ANK3: variants seen among roughly 807,000 people sequenced by gnomAD.
The protein encoded by ANK3 is ankyrin-3.
In ANK3, 57 loss-of-function variants were observed where a neutral mutation model predicts 370.9. The observed-to-expected ratio is 0.15, with a 90% CI of 0.12 to 0.19. The LOEUF (loss-of-function observed/expected upper bound fraction) is 0.19. Among genes scored for constraint, ANK3 ranks in the 10% least tolerant of loss-of-function variants. ANK3 has a pLI of 1.00. For missense variants in ANK3, 4,439 were observed against 5,302.1 expected, an observed-to-expected ratio of 0.84 and a Z score of 5.06; for synonymous variants, 1,929 against 1,946.3, an observed-to-expected ratio of 0.99 and a Z score of 0.23.
chr10:60,068,948 G>C lies in ANK3; in HGVS notation c.11933C>G (p.Thr3978Ser). ...TTTCCTAACTTTAACTGTGCAGCTG[G>C]TGGTGGTGGTAGTGGTGGTAGTGGT... ...TTTTTTTTTT[T>S]SCTVKVRKSQ... The change falls in exon 37 of 44, where the codon ACC (threonine) becomes AGC (serine). Residue 3978 changes from threonine to serine, a missense_variant. Around this residue, in one of 13 missense-constraint regions of ANK3, gnomAD observed 496 missense variants for 529.3 expected, o/e 0.94. Transcript: ENST00000280772. 1.2e-6 allele frequency: 2 copies of C among 1,613,980 alleles called. No homozygotes were observed. The highest frequency in any genetic ancestry group is 4.5e-5 in the East Asian group (2 of 44,872).
chr10:60,230,812 C>T (rs1176606025), intron 8 of ANK3, among the ~76,000 whole-genome samples: 5 of 151,762 alleles, frequency 3.3e-5, no homozygotes, highest in African/African-American at 1.2e-4. Flanking sequence ...TGGCTTGAAC[C>T]CAGGAGGTGG....
intron 36 of ANK3, 98 bp downstream of exon 36, chr10:60,080,439 G>T: frequency 3.9e-5 from 39 of 998,368 alleles, no homozygotes; most frequent in East Asian, 5.5e-5. Flanking sequence ...TTTTTCTTTT[G>T]CCATTGAGTT....
At chr10:60,286,776 G>A (rs576424230) in intron 1 of ANK3, among the ~76,000 whole-genome samples, 2 of 152,286 alleles carry the variant, frequency 1.3e-5, no homozygotes, top group Admixed American at 6.5e-5. Flanking sequence ...CTGGATTAAT[G>A]TTGTCATATT....
intron 1 of ANK3, among the ~76,000 whole-genome samples, chr10:60,683,642 C>T (rs1479024818): frequency 6.6e-6 from 1 of 152,194 alleles, no homozygotes; most frequent in African/African-American, 2.4e-5. Flanking sequence ...CACCTGATTG[C>T]TCTCCTTTTA....
At chr10:60,029,931 G>A (rs1369139206) in intron 43 of ANK3, 105 bp from the exon 44 acceptor site, 10 of 104,442 alleles carry the variant, frequency 9.6e-5, no homozygotes. Context: ...AGCCTTACTT[G>A]CCATTCAATA....
chr10:60,695,484 T>G (rs1345013338), intron 1 of ANK3, among the ~76,000 whole-genome samples: 2 of 152,110 alleles, frequency 1.3e-5, no homozygotes, highest in South Asian at 2.1e-4. Context: ...ATTCCAAAAT[T>G]GACCACATAC....
At chr10:60,110,001 C>G (rs567672205) in intron 26 of ANK3, among the ~76,000 whole-genome samples, 69 of 152,146 alleles carry the variant, frequency 4.5e-4, no homozygotes, top group African/African-American at 1.6e-3. Context: ...CAGGGGAACA[C>G]AAATATATCC....
intron 2 of ANK3, among the ~76,000 whole-genome samples, chr10:60,443,789 C>A (rs1037680547): frequency 6.6e-6 from 1 of 152,146 alleles, no homozygotes; most frequent in Non-Finnish European, 1.5e-5. Flanking sequence ...CTTCTTCCTA[C>A]TCTTCAAAGC....
intron 8 of ANK3, among the ~76,000 whole-genome samples, chr10:60,223,862 A>G (rs1285331154): frequency 2.6e-5 from 4 of 152,164 alleles, no homozygotes; most frequent in Non-Finnish European, 5.9e-5. Context: ...AATAAGCGTA[A>G]TAAAAGAGCT....
Position 60,033,536 on chromosome 10 carries a change from A to AAAAAC in ANK3, c.*20-3711_*20-3710insGTTTT, listed in dbSNP as rs1554812951. Among the ~76,000 whole-genome samples the AAAAAC allele has an allele frequency of 5.8e-3, 570 of 98,326 alleles. 9 individuals carry two copies. The highest frequency in any genetic ancestry group is 8.8e-3 in the Non-Finnish European group (439 of 49,730). The allele number at this position is 98,326 out of a possible 152,430, so 64.5% of individuals were successfully genotyped here. A position where few individuals can be genotyped will look rare whatever the true frequency, so the allele number is the denominator to read the frequency against. ...TCTCAAAAAAAAAAAAAAAAAAAAA[A>AAAAAC]AAACTTGGAAACAGCAATTCATTGG... On this transcript the variant is annotated intron_variant, in intron 43 of 43. Coordinates refer to ENST00000280772, the MANE Select transcript of ANK3 (RefSeq NM_020987.5).
chr10:60,441,536 C>T (rs1381934411), intron 2 of ANK3, among the ~76,000 whole-genome samples: 1 of 151,688 alleles, frequency 6.6e-6, no homozygotes, highest in East Asian at 1.9e-4. Flanking sequence ...TGTGTAGGTC[C>T]TATACATGCA....
intron 38 of ANK3, 57 bp downstream of exon 38, chr10:60,067,878 A>C: frequency 7.1e-7 from 1 of 1,411,154 alleles, no homozygotes; most frequent in Non-Finnish European, 9.8e-7. Context: ...ACTGCTTGTG[A>C]GTAAGACAAA....
chr10:60,053,586 AG>A, intron 42 of ANK3: 1 of 1,012,690 alleles, frequency 9.9e-7, no homozygotes, highest in Non-Finnish European at 1.3e-6. Flanking sequence ...GAATTGGTAA[AG>A]GGGAAAACAA....
At chr10:60,640,126 T>G (rs903695874) in intron 1 of ANK3, among the ~76,000 whole-genome samples, 3 of 152,132 alleles carry the variant, frequency 2.0e-5, no homozygotes, top group Non-Finnish European at 4.4e-5. Flanking sequence ...ACAGGCATTT[T>G]ATAATTGTGG....
intron 1 of ANK3, among the ~76,000 whole-genome samples, chr10:60,635,993 T>C (rs2078549992): frequency 6.6e-6 from 1 of 152,208 alleles, no homozygotes; most frequent in Admixed American, 6.5e-5. Context: ...AGTGAAACAT[T>C]TTAAGCTTCA....
chr10:60,084,617 T>C lies in ANK3; in HGVS notation c.4059A>G (p.Arg1353=). ...AACAAGGTACCTCAATATCTTTGCT[T>C]CTTGCGACTTCCTCAAAATTCTCTT... ...EQQENFEEVA[R]SKDIEVLEGK... is the part of the protein sequence containing the mutation. Residue 1353 remains arginine, a synonymous_variant, in exon 32 of 44, where the codon AGA becomes AGG. Transcript: ENST00000280772. 1 of 1,613,916 alleles carries C rather than the reference T, an allele frequency of 6.2e-7. No homozygotes were observed. The highest frequency in any genetic ancestry group is 8.5e-7 in the Non-Finnish European group (1 of 1,179,906).
intron 2 of ANK3, among the ~76,000 whole-genome samples, chr10:60,611,345 T>C (rs116554270): frequency 7.1e-4 from 108 of 152,154 alleles, no homozygotes; most frequent in African/African-American, 2.6e-3. Context: ...TGAGGATAAA[T>C]AAATGCCAGA....
intron 1 of ANK3, among the ~76,000 whole-genome samples, chr10:60,715,937 T>G (rs1341741281): frequency 1.4e-4 from 21 of 152,020 alleles, no homozygotes; most frequent in Admixed American, 1.4e-3. Flanking sequence ...TATGTACAAA[T>G]TAAGGTAAAT....
chr10:60,090,517 T>C (rs2088012357), intron 28 of ANK3, among the ~76,000 whole-genome samples: 2 of 151,936 alleles, frequency 1.3e-5, no homozygotes, highest in African/African-American at 4.8e-5. Context: ...ACTGGAAAAA[T>C]AGCCACACCT....
Sources: allele counts gnomAD v4.1 joint callset (sites outside exome capture counted in the v4.1 genomes callset), GRCh38; gene constraint gnomAD v4.1.1; regional missense constraint gnomAD v4.1.1; transcripts MANE v1.5; gene names NCBI Gene and HGNC (gene_info 2026-07-23, HGNC 2026-07-21).